Variants in BRD4 observed in about 807,000 individuals in gnomAD.
BRD4 encodes bromodomain containing 4.
Under a neutral mutation model 142.1 loss-of-function variants are expected in BRD4, and 16 were observed. The ratio of observed to expected loss-of-function variants is 0.11; its 90% confidence interval spans 0.08 to 0.17. The LOEUF is 0.17. Among genes scored for constraint, BRD4 ranks in the 10% least tolerant of loss-of-function variants. BRD4 has a pLI of 1.00. For missense variants in BRD4, 1,424 were observed against 1,810.9 expected, an observed-to-expected ratio of 0.79 and a Z score of 3.88; for synonymous variants, 833 against 707.5, an observed-to-expected ratio of 1.18 and a Z score of -2.82.
intron 5 of BRD4, among the ~76,000 whole-genome samples, chr19:15,265,081 T>C (rs972362685): frequency 2.0e-5 from 3 of 152,092 alleles, no homozygotes; most frequent in Non-Finnish European, 4.4e-5. Flanking sequence ...GGAGGCACAA[T>C]TCAGAGACTA....
intron 1 of BRD4, among the ~76,000 whole-genome samples, chr19:15,311,839 T>C (rs1336421842): frequency 2.0e-5 from 3 of 151,976 alleles, no homozygotes; most frequent in Admixed American, 2.0e-4. Flanking sequence ...AAACAAAAAA[T>C]ACTGTCTGAT....
At chr19:15,295,051 GT>G (rs1381565028) in intron 1 of BRD4, among the ~76,000 whole-genome samples, 1 of 152,166 alleles carries the variant, frequency 6.6e-6, no homozygotes, top group Non-Finnish European at 1.5e-5. Flanking sequence ...TAAATAAAAG[GT>G]TCCATAAAAG....
Position 15,239,801 on chromosome 19 carries a change from C to T in BRD4, c.3303G>A (p.Val1101=). The T allele has an allele frequency of 6.2e-7, 1 of 1,613,512 alleles. No individual in the cohort carries two copies. Among genetic ancestry groups the T allele is most frequent in the Non-Finnish European group, 8.5e-7 (1 of 1,179,918 alleles). The part of the protein sequence containing the change: ...PKKQELRAAS[V]VQPQPLVVVK... The stretch of plus-strand genomic sequence containing the variant: ...CCACCACGAGGGGCTGGGGCTGGAC[C>T]ACGGAGGCAGCACGCAGCTCCTGGG... Residue 1101 remains valine, a synonymous_variant, in exon 16 of 20, where the codon GTG becomes GTA. Transcript: ENST00000679869. The surrounding 1 kb of genome is among the most constrained non-coding windows in gnomAD (Gnocchi z 7.4).
rs1479040316 is a variant in BRD4, at chr19:15,303,922, C to T, written c.-35+28368G>A. Among the ~76,000 whole-genome samples the T allele has an allele frequency of 3.3e-5, 5 of 152,230 alleles. 1 individual carries two copies. In the Middle Eastern group the frequency reaches 0.01, roughly 311 times the overall value. On this transcript the variant is annotated intron_variant, in intron 1 of 19. Transcript: ENST00000679869. ...ATCAAGATGCCAGCAAGAACATTCA[C>T]CACAACAGACTCCATGCAGAATGCT...
intron 7 of BRD4, among the ~76,000 whole-genome samples, chr19:15,263,081 G>T (rs1345271193): frequency 1.3e-5 from 2 of 152,118 alleles, no homozygotes; most frequent in African/African-American, 2.4e-5. Flanking sequence ...CTGTGACAGC[G>T]ACTTCTCGGC....
intron 1 of BRD4, among the ~76,000 whole-genome samples, chr19:15,280,641 G>C (rs1461200192): frequency 6.6e-6 from 1 of 152,190 alleles, no homozygotes. Context: ...AGATGCCTGA[G>C]GGGACATGGC....
intron 11 of BRD4, chr19:15,249,223 T>G (rs2047318787): frequency 1.2e-6 from 2 of 1,613,760 alleles, no homozygotes; most frequent in Admixed American, 3.3e-5. Flanking sequence ...AAGCTATAGC[T>G]TGCTGGGAAG....
intron 1 of BRD4, among the ~76,000 whole-genome samples, chr19:15,293,512 C>T (rs144320949): frequency 6.6e-5 from 10 of 152,270 alleles, no homozygotes; most frequent in African/African-American, 2.2e-4. Flanking sequence ...AAAATTTAAC[C>T]GCCATGGCAG....
intron 1 of BRD4, among the ~76,000 whole-genome samples, chr19:15,326,902 C>T (rs1391526293): frequency 6.6e-6 from 1 of 152,164 alleles, no homozygotes; most frequent in Non-Finnish European, 1.5e-5. Flanking sequence ...TAAAACATCA[C>T]CCTTTACAAT....
At chr19:15,264,903 G>T in intron 5 of BRD4, 137 bp from the exon 6 acceptor site, 1 of 1,368,728 alleles carries the variant, frequency 7.3e-7, no homozygotes, top group Non-Finnish European at 9.9e-7. Flanking sequence ...AATTGCACAG[G>T]CAAAGGGCCA....
chr19:15,303,978 T>G (rs2047892770), intron 1 of BRD4, among the ~76,000 whole-genome samples: 3 of 152,136 alleles, frequency 2.0e-5, no homozygotes, highest in Admixed American at 2.0e-4. Flanking sequence ...CCCAAAGCAC[T>G]TGCTCTCACA....
At chr19:15,253,392 C>G (rs1599446709) in intron 11 of BRD4, 1 of 648,312 alleles carries the variant, frequency 1.5e-6, no homozygotes, top group South Asian at 1.9e-5. Context: ...CACCCAGCAT[C>G]ACTACCTGCC....
At position 15,242,972 on chromosome 19, in the gene BRD4, G is replaced by A. The variant is rs754250703; in HGVS notation, c.3097C>T (p.Pro1033Ser). 1 of 1,593,704 alleles carries A rather than the reference G, an allele frequency of 6.3e-7. No homozygotes were observed. The highest frequency in any genetic ancestry group is 8.5e-7 in the Non-Finnish European group (1 of 1,172,714). ...PPGQQPPPPQPAKPQQVIQHH... is the reference protein window; with the variant it reads ...PPGQQPPPPQSAKPQQVIQHH... ...TGGATGACTTGCTGAGGCTTGGCAG[G>A]CTGCGGCGGGGGTGGCTGCTGGCCT... Residue 1033 changes from proline (P) to serine (S), a missense_variant, in exon 14 of 20, where the codon CCT becomes TCT. By Grantham distance (74) the Pro-to-Ser change is moderately conservative. This residue lies in a region of BRD4 where 598 missense variants were observed against 647.8 expected (regional missense o/e 0.92). Transcript: ENST00000679869.
At chr19:15,316,074 T>C (rs1180311452) in intron 1 of BRD4, among the ~76,000 whole-genome samples, 1 of 139,338 alleles carries the variant, frequency 7.2e-6, no homozygotes, top group South Asian at 2.2e-4. Context: ...AAGAATGGCG[T>C]GAACCCGGGA....
chr19:15,247,648 C>T lies in BRD4; in HGVS notation c.2159-2886G>A, dbSNP rs1057155686. ...ATTTGGTCCAAGAAAGCAGAATCTT[C>T]CCAGAAAGACAATGCCAGCAGCTCC... On this transcript the variant is annotated intron_variant, in intron 11 of 19. Coordinates refer to ENST00000679869, the MANE Select transcript of BRD4 (RefSeq NM_001379291.1). 10 of 233,142 alleles carry T rather than the reference C, an allele frequency of 4.3e-5. No homozygotes were observed. The East Asian group carries it at 6.0e-4, about 14-fold the overall frequency. The allele number at this position is 233,142 out of a possible 1,614,324, so 14.4% of individuals were successfully genotyped here.
At chr19:15,326,151 AT>A (rs1379931652) in intron 1 of BRD4, among the ~76,000 whole-genome samples, 1 of 143,592 alleles carries the variant, frequency 7.0e-6, no homozygotes, top group African/African-American at 2.7e-5. Context: ...ACAATGTAGC[AT>A]TAAAAAAAAA....
intron 11 of BRD4, among the ~76,000 whole-genome samples, chr19:15,245,257 T>C (rs886597756): frequency 6.6e-6 from 1 of 152,062 alleles, no homozygotes; most frequent in Non-Finnish European, 1.5e-5. Context: ...GGCCTCCAAC[T>C]GCATGGCCCT....
At chr19:15,303,649 C>T (rs1190296353) in intron 1 of BRD4, among the ~76,000 whole-genome samples, 1 of 152,198 alleles carries the variant, frequency 6.6e-6, no homozygotes, top group Non-Finnish European at 1.5e-5. Context: ...ATTCTAGCAC[C>T]TATTTGCACA....
At chr19:15,325,232 G>GA (rs1240020271) in intron 1 of BRD4, among the ~76,000 whole-genome samples, 3 of 152,340 alleles carry the variant, frequency 2.0e-5, no homozygotes, top group African/African-American at 7.2e-5. Context: ...GTGACAGAAT[G>GA]AATGTTACAC....
Sources: allele counts gnomAD v4.1 joint callset (sites outside exome capture counted in the v4.1 genomes callset), GRCh38; gene constraint gnomAD v4.1.1; regional missense constraint gnomAD v4.1.1; non-coding constraint Gnocchi (gnomAD v3.1); transcripts MANE v1.5; gene names NCBI Gene and HGNC (gene_info 2026-07-23, HGNC 2026-07-21).